OSBPL6: variants seen among roughly 807,000 people sequenced by gnomAD.
OSBPL6 encodes oxysterol-binding protein-related protein 6.
In OSBPL6, 49 loss-of-function variants were observed where a neutral mutation model predicts 125.8. The ratio of observed to expected loss-of-function variants is 0.39; its 90% CI spans 0.31 to 0.49. The LOEUF is 0.49. Ranked by LOEUF, OSBPL6 falls within the 20% of genes least tolerant of loss-of-function variation. OSBPL6 has a pLI of 0.88. For synonymous variants in OSBPL6, 394 were observed against 391.8 expected, an observed-to-expected ratio of 1.01 and a Z score of -0.07; for missense variants, 986 against 1,135.4, an observed-to-expected ratio of 0.87 and a Z score of 1.89.
intron 20 of OSBPL6, among the ~76,000 whole-genome samples, chr2:178,388,212 G>T (rs1004995146): frequency 6.6e-6 from 1 of 152,100 alleles, no homozygotes; most frequent in Non-Finnish European, 1.5e-5. Flanking sequence ...CTGTAACCTT[G>T]TTCCCCAGAA....
intron 1 of OSBPL6, among the ~76,000 whole-genome samples, chr2:178,244,050 G>A (rs2091399355): frequency 6.6e-6 from 1 of 152,052 alleles, no homozygotes; most frequent in South Asian, 2.1e-4. Flanking sequence ...ATCCTTTATT[G>A]GCTGTAAATT....
rs1309244665 is a variant in OSBPL6 at position 178,235,884 on chromosome 2, G to A, written c.-351+41210G>A. Among the ~76,000 whole-genome samples the A allele has an allele frequency of 8.0e-4, 122 of 152,188 alleles. 1 individual carries two copies. The highest frequency in any genetic ancestry group is 8.0e-3 in the Admixed American group (122 of 15,294). ...TTTAATGAAAAATGACCTTTTCATAGCTGGATATTTTATTTGATGTTGGAA... is the reference window on the plus strand; with the variant it reads ...TTTAATGAAAAATGACCTTTTCATAACTGGATATTTTATTTGATGTTGGAA... On this transcript the variant is annotated intron_variant, in intron 1 of 24. Transcript: ENST00000190611.
chr2:178,364,807 T>C (rs965999669), intron 13 of OSBPL6, among the ~76,000 whole-genome samples: 4 of 152,114 alleles, frequency 2.6e-5, no homozygotes, highest in Non-Finnish European at 4.4e-5. Flanking sequence ...ATCAGGGCAG[T>C]TATAGATGTT....
chr2:178,390,574 G>A (rs1695319643), intron 21 of OSBPL6, among the ~76,000 whole-genome samples: 1 of 152,200 alleles, frequency 6.6e-6, no homozygotes, highest in South Asian at 2.1e-4. Flanking sequence ...CTTGGGGCCT[G>A]ATCTGGAAGG....
intron 15 of OSBPL6, among the ~76,000 whole-genome samples, chr2:178,379,369 GGGAGGGAGGAAAA>G (rs1694242882): frequency 6.8e-6 from 1 of 146,692 alleles, no homozygotes; most frequent in Non-Finnish European, 1.5e-5. Flanking sequence ...AGGAAGGAAA[GGGAGGGAGGAAAA>G]GGAGAAAGGA....
intron 1 of OSBPL6, among the ~76,000 whole-genome samples, chr2:178,277,199 G>T (rs1211037530): frequency 3.3e-5 from 5 of 152,186 alleles, no homozygotes; most frequent in African/African-American, 1.2e-4. Flanking sequence ...TAATTTTTAT[G>T]CAATTTTATT....
intron 1 of OSBPL6, among the ~76,000 whole-genome samples, chr2:178,226,771 G>A (rs1172479737): frequency 6.6e-6 from 1 of 152,138 alleles, no homozygotes; most frequent in Non-Finnish European, 1.5e-5. Context: ...TTTAGACTTG[G>A]ATAGAAACGG....
chr2:178,258,467 T>C (rs1032430683), intron 1 of OSBPL6, among the ~76,000 whole-genome samples: 1 of 152,218 alleles, frequency 6.6e-6, no homozygotes, highest in Non-Finnish European at 1.5e-5. Flanking sequence ...CAGAATACTG[T>C]ACACCTATGT....
intron 3 of OSBPL6, among the ~76,000 whole-genome samples, chr2:178,310,406 T>C (rs1365404313): frequency 6.9e-6 from 1 of 145,288 alleles, no homozygotes; most frequent in African/African-American, 2.6e-5. Context: ...TGCCCAAAAC[T>C]GAACTCTTTT....
intron 3 of OSBPL6, among the ~76,000 whole-genome samples, chr2:178,323,955 C>T (rs886916241): frequency 1.3e-5 from 2 of 152,136 alleles, no homozygotes; most frequent in South Asian, 2.1e-4. Flanking sequence ...AGACTGAAAC[C>T]GGCACTGCAG....
intron 12 of OSBPL6, 115 bp from the exon 13 acceptor site, chr2:178,361,567 A>T: frequency 7.9e-7 from 1 of 1,264,454 alleles, no homozygotes; most frequent in Non-Finnish European, 1.1e-6. Flanking sequence ...TTAGACTATT[A>T]CATAGCCTTT....
rs1696007389 is a variant in OSBPL6 at position 178,398,904 on chromosome 2, G to A, written c.*3345G>A. On this transcript the variant is annotated 3_prime_UTR_variant, in exon 25 of 25. Coordinates refer to ENST00000190611, the MANE Select transcript of OSBPL6 (RefSeq NM_032523.4). Reference sequence around the variant, plus strand: ...TTAGTACTGGTTACAGCTGTAGCTGGAGAAGAGTTTATAATCATAAAGTAC... The same window carrying A: ...TTAGTACTGGTTACAGCTGTAGCTGAAGAAGAGTTTATAATCATAAAGTAC... 6.6e-6 allele frequency: 1 copy of A among 152,102 alleles called. No individual in the cohort carries two copies. The highest frequency in any genetic ancestry group is 1.5e-5 in the Non-Finnish European group (1 of 68,030). The allele number at this position is 152,102 out of a possible 1,614,324, so 9.4% of individuals were successfully genotyped here.
At chr2:178,298,793 AT>A (rs1370009713) in intron 2 of OSBPL6, among the ~76,000 whole-genome samples, 1 of 150,994 alleles carries the variant, frequency 6.6e-6, no homozygotes, top group Non-Finnish European at 1.5e-5. Context: ...GTTCAAGGAC[AT>A]TTTTAACCCA....
Position 178,237,474 on chromosome 2 carries a change from GC to G in OSBPL6, c.-351+42803del, listed in dbSNP as rs1428215004. On this transcript the variant is annotated intron_variant, in intron 1 of 24. Coordinates refer to ENST00000190611, the MANE Select transcript of OSBPL6 (RefSeq NM_032523.4). ...ACCCATTGAAAAGGTCTCCTCTGTT[GC>G]CCACCCATCTGTTTCTTTCCTTAAT... Among the ~76,000 whole-genome samples the G allele has an allele frequency of 1.3e-5, 2 of 152,022 alleles. 1 individual carries two copies. Among genetic ancestry groups the G allele is most frequent in the Non-Finnish European group, 2.9e-5 (2 of 68,022 alleles).
intron 3 of OSBPL6, among the ~76,000 whole-genome samples, chr2:178,308,506 A>T (rs976294097): frequency 1.3e-5 from 2 of 152,226 alleles, no homozygotes; most frequent in East Asian, 1.9e-4. Context: ...AGGATCTAGC[A>T]CATAGCTGAG....
At chr2:178,209,189 C>G (rs977240701) in intron 1 of OSBPL6, among the ~76,000 whole-genome samples, 5 of 152,122 alleles carry the variant, frequency 3.3e-5, no homozygotes, top group Non-Finnish European at 7.4e-5. Context: ...TTCTTCCCCT[C>G]ACTTTTCCCT....
At chr2:178,353,361 C>T (rs1168839312) in intron 12 of OSBPL6, among the ~76,000 whole-genome samples, 11 of 152,036 alleles carry the variant, frequency 7.2e-5, no homozygotes, top group South Asian at 2.1e-4. Flanking sequence ...AAAGGTTAGA[C>T]GAATGGCTAT....
At chr2:178,305,622 C>A (rs918274397) in intron 2 of OSBPL6, among the ~76,000 whole-genome samples, 5 of 152,160 alleles carry the variant, frequency 3.3e-5, no homozygotes, top group African/African-American at 1.2e-4. Context: ...TTGGATTAAC[C>A]GTCACATACA....
chr2:178,260,551 G>A (rs1460979193), intron 1 of OSBPL6, among the ~76,000 whole-genome samples: 1 of 152,074 alleles, frequency 6.6e-6, no homozygotes, highest in East Asian at 1.9e-4. Flanking sequence ...CTCTAAGATG[G>A]AAATGGTATT....
Sources: allele counts gnomAD v4.1 joint callset (sites outside exome capture counted in the v4.1 genomes callset), GRCh38; gene constraint gnomAD v4.1.1; transcripts MANE v1.5; gene names NCBI Gene and HGNC (gene_info 2026-07-23, HGNC 2026-07-21).